Variants in MYO5A observed in about 807,000 individuals in gnomAD.
MYO5A encodes myosin VA.
In MYO5A, 98 loss-of-function variants were observed where a neutral mutation model predicts 249.7. The observed-to-expected ratio is 0.39, with a 90% confidence interval of 0.33 to 0.46. The LOEUF is 0.46. MYO5A is among the 20% of genes least tolerant of loss of function. MYO5A has a pLI of 0.98. For missense variants in MYO5A, 1,696 were observed against 2,308.8 expected (o/e 0.73, Z 5.44); for synonymous variants, 778 against 810.6 (o/e 0.96, Z 0.68).
intron 1 of MYO5A, among the ~76,000 whole-genome samples, chr15:52,510,346 C>T (rs2077364608): frequency 6.6e-6 from 1 of 152,306 alleles, no homozygotes; most frequent in East Asian, 1.9e-4. Flanking sequence ...TTAAATTTCA[C>T]CACTATGACA....
At chr15:52,408,725 A>G (rs1329188156) in intron 6 of MYO5A, among the ~76,000 whole-genome samples, 1 of 152,236 alleles carries the variant, frequency 6.6e-6, no homozygotes, top group Non-Finnish European at 1.5e-5. Flanking sequence ...CCACACATAT[A>G]TCTAAAAAAT....
At chr15:52,528,928 G>GGCGGGGAGGGCCGC, upstream of MYO5A, 4 of 840,214 alleles carry the variant, frequency 4.8e-6, no homozygotes, top group Non-Finnish European at 6.0e-6. Context: ...GGCAGGGCCG[G>GGCGGGGAGGGCCGC]GCGGGGAGGG....
chr15:52,489,447 C>T (rs913116852), intron 1 of MYO5A, among the ~76,000 whole-genome samples: 26 of 151,894 alleles, frequency 1.7e-4, no homozygotes, highest in Non-Finnish European at 2.9e-4. Flanking sequence ...ACCTGTAGTC[C>T]CAGCTACTCG....
At chr15:52,373,158 G>A (rs1341105503) in intron 20 of MYO5A, among the ~76,000 whole-genome samples, 1 of 151,982 alleles carries the variant, frequency 6.6e-6, no homozygotes, top group Non-Finnish European at 1.5e-5. Flanking sequence ...TTGATTTTAT[G>A]TTACATTTCC....
chr15:52,416,372 G>C lies in MYO5A; in HGVS notation c.456-71C>G. On this transcript the variant is annotated intron_variant, in intron 4 of 41. Transcript: ENST00000399233. ...TAGCAGGATTGATAAGGGAAACTAT[G>C]GTCTCTATGGAAGTAGGGGGCTAAT... 2.7e-6 allele frequency: 4 copies of C among 1,509,164 alleles called. No homozygotes were observed. The South Asian group carries it at 4.7e-5, about 18-fold the overall frequency. 93.5% of individuals were successfully genotyped at this position (1,509,164 alleles called of 1,614,324 possible).
chr15:52,320,401 CTTT>C (rs1464409728), intron 38 of MYO5A, among the ~76,000 whole-genome samples: 2 of 152,140 alleles, frequency 1.3e-5, no homozygotes, highest in African/African-American at 4.8e-5. Flanking sequence ...ATTGGGGCTT[CTTT>C]GAGGCGAACT....
In MYO5A at chr15:52,310,333, GA is replaced by G. The variant is rs2037737193; in HGVS notation, c.*3362del. The G allele has an allele frequency of 6.6e-6, 1 of 152,138 alleles. No individual in the cohort carries two copies. Among genetic ancestry groups the G allele is most frequent in the Non-Finnish European group, 1.5e-5 (1 of 68,014 alleles). 9.4% of individuals were successfully genotyped at this position (152,138 alleles called of 1,614,324 possible). On this transcript the variant is annotated 3_prime_UTR_variant, in exon 42 of 42. Transcript: ENST00000399233. Reference sequence around the variant, plus strand: ...AGGCAGATCAAAGCCTTAACCTGAGGAAAAGCTGCAAAAAGGGAAATTACTT... The same window carrying G: ...AGGCAGATCAAAGCCTTAACCTGAGGAAAGCTGCAAAAAGGGAAATTACTT...
intron 40 of MYO5A, among the ~76,000 whole-genome samples, chr15:52,316,448 T>C (rs928115580): frequency 2.0e-5 from 3 of 152,114 alleles, no homozygotes; most frequent in African/African-American, 7.2e-5. Context: ...CAGTACTTCC[T>C]TTAGGCATCT....
chr15:52,342,134 T>C (rs892674441), intron 31 of MYO5A, among the ~76,000 whole-genome samples: 4 of 152,284 alleles, frequency 2.6e-5, no homozygotes, highest in South Asian at 4.1e-4. Context: ...CGAGGCAGGA[T>C]TGTTTGAGCC....
At chr15:52,401,760 T>C (rs1426024207) in intron 9 of MYO5A, among the ~76,000 whole-genome samples, 1 of 152,192 alleles carries the variant, frequency 6.6e-6, no homozygotes, top group East Asian at 1.9e-4. Context: ...TTCTCTCTCT[T>C]CTCTCCTTTA....
rs990631492 is a variant in MYO5A, at chr15:52,331,930, CGG to C, written c.4409-1433_4409-1432del. The C allele has an allele frequency of 1.6e-5, 14 of 883,448 alleles. No homozygotes were observed. In the African/African-American group the frequency reaches 2.5e-4, roughly 16 times the overall value. The allele number at this position is 883,448 out of a possible 1,614,324, so 54.7% of individuals were successfully genotyped here. A position where few individuals can be genotyped will look rare whatever the true frequency, so the allele number is the denominator to read the frequency against. ...TATGCATGATCCAGTATGAAAGCCA[CGG>C]GACTAACTCTAAAGTATATTCTTCC... On this transcript the variant is annotated intron_variant, in intron 34 of 41. Transcript: ENST00000399233.
chr15:52,525,975 T>C (rs945441467), intron 1 of MYO5A, among the ~76,000 whole-genome samples: 2 of 152,180 alleles, frequency 1.3e-5, no homozygotes, highest in Non-Finnish European at 2.9e-5. Flanking sequence ...CTCTAAACAT[T>C]AAGCAAAGTA....
chr15:52,490,697 T>C (rs1359401815), intron 1 of MYO5A, among the ~76,000 whole-genome samples: 1 of 151,960 alleles, frequency 6.6e-6, no homozygotes, highest in East Asian at 1.9e-4. Context: ...GTTTTAGAGA[T>C]TGGTTGTACA....
intron 38 of MYO5A, among the ~76,000 whole-genome samples, chr15:52,320,137 T>G (rs1487901856): frequency 6.6e-6 from 1 of 152,136 alleles, no homozygotes; most frequent in Non-Finnish European, 1.5e-5. Context: ...AGTGGGCCCT[T>G]GGGCTGACCT....
At chr15:52,451,476 T>C (rs1178369641) in intron 1 of MYO5A, among the ~76,000 whole-genome samples, 1 of 152,242 alleles carries the variant, frequency 6.6e-6, no homozygotes, top group Non-Finnish European at 1.5e-5. Context: ...GTTTCATCTT[T>C]GCTTAAAATC....
intron 9 of MYO5A, among the ~76,000 whole-genome samples, chr15:52,402,873 C>G (rs1479433184): frequency 1.3e-5 from 2 of 151,522 alleles, no homozygotes; most frequent in African/African-American, 4.8e-5. Flanking sequence ...AAACAAAAAA[C>G]AAAACAAAAC....
At chr15:52,314,005 A>T (rs2037870276) in intron 41 of MYO5A, 118 bp downstream of exon 41, 2 of 1,273,716 alleles carry the variant, frequency 1.6e-6, no homozygotes, top group Non-Finnish European at 2.2e-6. Context: ...ATTATCAAAA[A>T]AGTTAGTGCA....
chr15:52,389,393 A>T, intron 12 of MYO5A, 30 bp from the exon 13 acceptor site: 3 of 1,604,196 alleles, frequency 1.9e-6, no homozygotes, highest in Non-Finnish European at 2.6e-6. Context: ...GAAGAAAGAA[A>T]ACAAGGTAAA....
chr15:52,336,366 G>A (rs554824720), intron 34 of MYO5A, 97 bp downstream of exon 34: 10 of 745,474 alleles, frequency 1.3e-5, no homozygotes, highest in Non-Finnish European at 2.3e-5. Context: ...CCTAATATTT[G>A]CATGCAAACC....
Sources: allele counts gnomAD v4.1 joint callset (sites outside exome capture counted in the v4.1 genomes callset), GRCh38; gene constraint gnomAD v4.1.1; transcripts MANE v1.5; gene names NCBI Gene and HGNC (gene_info 2026-07-23, HGNC 2026-07-21).